The following KIF13A variants were observed in gnomAD, a reference collection of about 807,000 sequenced individuals.
The protein encoded by KIF13A is kinesin-like protein KIF13A.
In KIF13A, 79 loss-of-function variants were observed where a neutral mutation model predicts 212.2. The observed-to-expected ratio is 0.37, with a 90% CI of 0.31 to 0.45. KIF13A has a LOEUF of 0.45. Ranked by LOEUF, KIF13A falls within the 20% of genes least tolerant of loss-of-function variation. The pLI is 1.00. For missense variants in KIF13A, 1,901 were observed against 2,209.0 expected (o/e 0.86, Z 2.79); for synonymous variants, 789 against 808.6 (o/e 0.98, Z 0.41).
Position 17,783,608 on chromosome 6 carries a change from A to T in KIF13A, c.3544+38T>A. ...TCTGGATAGATTACAAACCTTAGTTAAATACAATAATCCCTGTGACTTTAA... is the reference window on the plus strand; with the variant it reads ...TCTGGATAGATTACAAACCTTAGTTTAATACAATAATCCCTGTGACTTTAA... On this transcript the variant is annotated intron_variant, in intron 29 of 38. Transcript: ENST00000259711. This position sits in a 1 kb window ranked among gnomAD's most constrained non-coding sequence, Gnocchi z 4.3. 1 of 1,317,928 alleles carries T rather than the reference A, an allele frequency of 7.6e-7. No homozygotes were observed. Among genetic ancestry groups the T allele is most frequent in the Non-Finnish European group, 1.1e-6 (1 of 931,512 alleles). 81.6% of individuals were successfully genotyped at this position (1,317,928 alleles called of 1,614,324 possible).
At chr6:17,965,843 T>A (rs545229161) in intron 2 of KIF13A, among the ~76,000 whole-genome samples, 11 of 152,334 alleles carry the variant, frequency 7.2e-5, no homozygotes, top group Middle Eastern at 3.4e-3. Context: ...GTACAATCTT[T>A]ATTTATTTCT....
chr6:17,976,228 G>A (rs967745210), intron 2 of KIF13A, among the ~76,000 whole-genome samples: 50 of 152,200 alleles, frequency 3.3e-4, no homozygotes, highest in African/African-American at 1.1e-3. Flanking sequence ...TGGGCGCGGT[G>A]GAGAAGGGGC....
At chr6:17,969,344 G>A (rs977269197) in intron 2 of KIF13A, among the ~76,000 whole-genome samples, 6 of 152,130 alleles carry the variant, frequency 3.9e-5, no homozygotes, top group Admixed American at 3.9e-4. Flanking sequence ...ATTGGGGGCT[G>A]GCCCTTTGCC....
In KIF13A at chr6:17,934,900, C is replaced by T. The variant is rs1390867006; in HGVS notation, c.147-36720G>A. Among the ~76,000 whole-genome samples the T allele has an allele frequency of 6.6e-6, 1 of 152,104 alleles. No individual in the cohort carries two copies. The highest frequency in any genetic ancestry group is 1.9e-4 in the East Asian group (1 of 5,188). On this transcript the variant is annotated intron_variant, in intron 2 of 38. Transcript: ENST00000259711. This position sits in a 1 kb window ranked among gnomAD's most constrained non-coding sequence, Gnocchi z 5.4. The stretch of plus-strand genomic sequence containing the variant: ...TTTCACTAGTAATAACCAAACATAT[C>T]AGTTTCACAAGGGTCCCTTTACCTT...
In KIF13A at chr6:17,987,059, T is replaced by A; in HGVS notation, c.141A>T (p.Gly47=). Residue 47 remains glycine, a synonymous_variant, in exon 2 of 39, where the codon GGA becomes GGT. Coordinates refer to ENST00000259711, the MANE Select transcript of KIF13A (RefSeq NM_022113.6). The surrounding 1 kb of genome is among the most constrained non-coding windows in gnomAD (Gnocchi z 7.7). ...LHPPPSNTKQ[G]ERKPPKVFAF... is the part of the protein sequence containing the mutation. ...CCTCTCGGAACCCGCTTTACCTTTC[T>A]CCCTGTTTGGTGTTAGAAGGAGGAG... 6.2e-7 allele frequency: 1 copy of A among 1,612,718 alleles called. No individual in the cohort carries two copies. Among genetic ancestry groups the A allele is most frequent in the Non-Finnish European group, 8.5e-7 (1 of 1,178,762 alleles).
chr6:17,927,797 A>G (rs951146112), intron 2 of KIF13A, among the ~76,000 whole-genome samples: 4 of 152,198 alleles, frequency 2.6e-5, no homozygotes, highest in African/African-American at 9.6e-5. Context: ...TGGTGAGGAT[A>G]TGGGAGGCTG....
chr6:17,828,557 AAT>A lies in KIF13A; in HGVS notation c.1402-189_1402-188del, dbSNP rs1272712377. Among the ~76,000 whole-genome samples the A allele has an allele frequency of 6.6e-6, 1 of 152,198 alleles. No homozygotes were observed. Among genetic ancestry groups the A allele is most frequent in the Non-Finnish European group, 1.5e-5 (1 of 68,038 alleles). Reference sequence around the variant, plus strand: ...CCCTTAATACACCAAATTAAAAAAAAATGTTTAAACACTACCAAAAAAAATCC... The same window carrying A: ...CCCTTAATACACCAAATTAAAAAAAAGTTTAAACACTACCAAAAAAAATCC... On this transcript the variant is annotated intron_variant, in intron 13 of 38. Coordinates refer to ENST00000259711, the MANE Select transcript of KIF13A (RefSeq NM_022113.6). The surrounding 1 kb of genome is among the most constrained non-coding windows in gnomAD (Gnocchi z 4.3).
intron 3 of KIF13A, among the ~76,000 whole-genome samples, chr6:17,874,595 C>A (rs111342079): frequency 0.053 from 8,111 of 152,034 alleles, 276 homozygotes; most frequent in Middle Eastern, 0.082. Context: ...CGCCACCATG[C>A]CTGGCTAATT....
At chr6:17,986,814 C>A (rs1178603903) in intron 2 of KIF13A, among the ~76,000 whole-genome samples, 1 of 152,254 alleles carries the variant, frequency 6.6e-6, no homozygotes, top group Admixed American at 6.5e-5. Context: ...CGCAGCCCGC[C>A]CGGGCTCAGC....
intron 2 of KIF13A, among the ~76,000 whole-genome samples, chr6:17,931,132 A>G (rs1256640623): frequency 6.6e-6 from 1 of 152,238 alleles, no homozygotes; most frequent in African/African-American, 2.4e-5. Flanking sequence ...CCAAACTGTG[A>G]GAGCTTTCAC....
intron 22 of KIF13A, among the ~76,000 whole-genome samples, chr6:17,797,458 C>G (rs547392950): frequency 1.4e-4 from 21 of 152,326 alleles, no homozygotes; most frequent in Admixed American, 5.2e-4. Context: ...CAGGACCACT[C>G]TGATTTTCAG....
At chr6:17,881,492 C>T (rs1254764939) in intron 3 of KIF13A, 4 of 428,294 alleles carry the variant, frequency 9.3e-6, no homozygotes, top group Non-Finnish European at 1.8e-5. Context: ...GTCAGGAGAT[C>T]GAGACCATCC....
Position 17,837,203 on chromosome 6 carries a change from TG to T in KIF13A, c.943-114del. 1.0e-6 allele frequency: 1 copy of T among 953,086 alleles called. No homozygotes were observed. Among genetic ancestry groups the T allele is most frequent in the East Asian group, 2.4e-5 (1 of 41,478 alleles). The allele number at this position is 953,086 out of a possible 1,614,324, so 59.0% of individuals were successfully genotyped here. Reference sequence around the variant, plus strand: ...TATTCTCTATGAAGGAAACATTATGTGGAAATGGACTTGCATTTCACAAATA... The same window carrying T: ...TATTCTCTATGAAGGAAACATTATGTGAAATGGACTTGCATTTCACAAATA... On this transcript the variant is annotated intron_variant, in intron 10 of 38. Coordinates refer to ENST00000259711, the MANE Select transcript of KIF13A (RefSeq NM_022113.6). This position sits in a 1 kb window ranked among gnomAD's most constrained non-coding sequence, Gnocchi z 5.4.
At chr6:17,796,000 CAT>C (rs1338574652) in intron 23 of KIF13A, among the ~76,000 whole-genome samples, 1 of 152,146 alleles carries the variant, frequency 6.6e-6, no homozygotes, top group African/African-American at 2.4e-5. Context: ...TTTTTCTCCA[CAT>C]AGAGATGTAG....
At chr6:17,806,748 G>A (rs553034528) in intron 18 of KIF13A, among the ~76,000 whole-genome samples, 19 of 152,074 alleles carry the variant, frequency 1.2e-4, no homozygotes, top group East Asian at 5.8e-4. Context: ...GTGTGGTGGC[G>A]CATGCCTGTA....
chr6:17,772,195 A>G lies in KIF13A; in HGVS notation c.4325-136T>C. The G allele has an allele frequency of 3.8e-6, 3 of 794,716 alleles. No individual in the cohort carries two copies. The highest frequency in any genetic ancestry group is 6.0e-6 in the Non-Finnish European group (3 of 498,668). 49.2% of individuals were successfully genotyped at this position (794,716 alleles called of 1,614,324 possible). A position where few individuals can be genotyped will look rare whatever the true frequency, so the allele number is the denominator to read the frequency against. ...ATAGGCTAATATTTGGCTAAGCATTAAAACAGATGTATGCCCACCCTGTGC... is the reference window on the plus strand; with the variant it reads ...ATAGGCTAATATTTGGCTAAGCATTGAAACAGATGTATGCCCACCCTGTGC... On this transcript the variant is annotated intron_variant, in intron 36 of 38. Coordinates refer to ENST00000259711, the MANE Select transcript of KIF13A (RefSeq NM_022113.6). This position sits in a 1 kb window ranked among gnomAD's most constrained non-coding sequence, Gnocchi z 4.8.
At chr6:17,824,760 C>CCAA in intron 16 of KIF13A, among the ~76,000 whole-genome samples, 1 of 48,818 alleles carries the variant, frequency 2.0e-5, no homozygotes, top group East Asian at 6.3e-4. Flanking sequence ...GACTCCGTCT[C>CCAA]AAAAAAAAAA....
At chr6:17,942,682 T>A (rs1236464108) in intron 2 of KIF13A, among the ~76,000 whole-genome samples, 1 of 152,140 alleles carries the variant, frequency 6.6e-6, no homozygotes. Context: ...ACAATGAGTT[T>A]AAAGAGTAGA....
chr6:17,788,914 G>A (rs1031268633), intron 26 of KIF13A, among the ~76,000 whole-genome samples: 1 of 152,066 alleles, frequency 6.6e-6, no homozygotes, highest in African/African-American at 2.4e-5. Context: ...TAGTAGAGAC[G>A]GAGTTTCACC....
Sources: gnomAD v4.1 joint callset for allele counts (sites outside exome capture counted in the v4.1 genomes callset) on GRCh38, gnomAD v4.1.1 for gene constraint, Gnocchi (gnomAD v3.1) non-coding constraint, MANE v1.5 for transcripts, NCBI Gene and HGNC (gene_info 2026-07-23, HGNC 2026-07-21) for gene names.